PLAGL1: variants seen among roughly 807,000 people sequenced by gnomAD.
PLAGL1 encodes zinc finger protein PLAGL1.
Under a neutral mutation model 4.6 loss-of-function variants are expected in PLAGL1, and 1 was observed. The ratio of observed to expected loss-of-function variants is 0.22; its 90% confidence interval spans 0.08 to 1.03. The LOEUF is 1.03. Ranked by LOEUF, PLAGL1 falls within the 50% of genes least tolerant of loss-of-function variation. The probability of loss-of-function intolerance (pLI) is 0.58; values close to 1 mark genes in which losing one functional copy is unlikely to be tolerated. For synonymous variants in PLAGL1, 240 were observed against 237.8 expected (o/e 1.01, Z -0.08); for missense variants, 464 against 570.4 (o/e 0.81, Z 1.90).
In PLAGL1 at chr6:143,999,137, A is replaced by T. The variant is rs56211878; in HGVS notation, c.-584+8953T>A. ...GGGGAGTGAAAGAAGCAGGAAGGAA[A>T]GATATTAGAAAGTTCAAATTTTTTT... On this transcript the variant is annotated intron_variant, in intron 1 of 7. Coordinates refer to ENST00000674357, the MANE Select transcript of PLAGL1 (RefSeq NM_001317162.2). Among the ~76,000 whole-genome samples the T allele has an allele frequency of 3.3e-5, 5 of 152,210 alleles. No homozygotes were observed. In the East Asian group the frequency reaches 5.8e-4, roughly 18 times the overall value.
intron 1 of PLAGL1, among the ~76,000 whole-genome samples, chr6:144,014,380 G>A (rs2128691820): frequency 6.6e-6 from 1 of 152,034 alleles, no homozygotes. Flanking sequence ...AGTGAGCCAA[G>A]ATTGCACCAC....
rs1197384253 is a variant in PLAGL1 at position 143,961,297 on chromosome 6, A to G, written c.-398-755T>C. 6.6e-6 allele frequency: 1 copy of G among 152,218 alleles called. No individual in the cohort carries two copies. Among genetic ancestry groups the G allele is most frequent in the African/African-American group, 2.4e-5 (1 of 41,460 alleles). The allele number at this position is 152,218 out of a possible 1,614,324, so 9.4% of individuals were successfully genotyped here. A position where few individuals can be genotyped will look rare whatever the true frequency, so the allele number is the denominator to read the frequency against. ...AACTTGGCTTCTTCCTACCAAGGCT[A>G]TTCCAACCAACTGATCCTCTTACAG... is the stretch of plus-strand genomic sequence containing the variant. On this transcript the variant is annotated intron_variant, in intron 5 of 7. Coordinates refer to ENST00000674357, the MANE Select transcript of PLAGL1 (RefSeq NM_001317162.2). This position sits in a 1 kb window ranked among gnomAD's most constrained non-coding sequence, Gnocchi z 6.5.
Position 143,941,836 on chromosome 6 carries a change from T to G in PLAGL1, c.980A>C (p.Asn327Thr). ...AGGCAAGTCCTCAAACAAACTGATA[T>G]TGCAAAAACCTTTAGTATCTGCTTT... The part of the protein sequence containing the change: ...PLKADTKGFC[N>T]ISLFEDLPLQ... Residue 327 changes from asparagine to threonine, a missense_variant, in exon 8 of 8, where the codon AAT (asparagine) becomes ACT (threonine). Coordinates refer to ENST00000674357, the MANE Select transcript of PLAGL1 (RefSeq NM_001317162.2). This position sits in a 1 kb window ranked among gnomAD's most constrained non-coding sequence, Gnocchi z 6.0. 2 of 1,614,216 alleles carry G rather than the reference T, an allele frequency of 1.2e-6. No homozygotes were observed. Among genetic ancestry groups the G allele is most frequent in the African/African-American group, 2.7e-5 (2 of 75,056 alleles).
chr6:144,054,913 T>C (rs1221127017), intron 1 of PLAGL1, among the ~76,000 whole-genome samples: 5 of 151,576 alleles, frequency 3.3e-5, no homozygotes, highest in Non-Finnish European at 5.9e-5. Context: ...GTAAAGGAAA[T>C]GCAACATATA....
At position 143,965,055 on chromosome 6, in the gene PLAGL1, G is replaced by T. The variant is rs1224664004; in HGVS notation, c.-430-237C>A. ...CGGGATGGCTGATTTCCATAAGATGGAAATGATTGCATGCTGGAAACTGAG... is the reference window on the plus strand; with the variant it reads ...CGGGATGGCTGATTTCCATAAGATGTAAATGATTGCATGCTGGAAACTGAG... On this transcript the variant is annotated intron_variant, in intron 4 of 7. Transcript: ENST00000674357. The surrounding 1 kb of genome is among the most constrained non-coding windows in gnomAD (Gnocchi z 7.5). 6.6e-6 allele frequency: 1 copy of T among 152,154 alleles called. No individual in the cohort carries two copies. Among genetic ancestry groups the T allele is most frequent in the African/African-American group, 2.4e-5 (1 of 41,408 alleles). The allele number at this position is 152,154 out of a possible 1,614,324, so 9.4% of individuals were successfully genotyped here.
At chr6:144,054,777 G>GTT (rs1491121190) in intron 1 of PLAGL1, among the ~76,000 whole-genome samples, 1 of 14,608 alleles carries the variant, frequency 6.8e-5, no homozygotes, top group Non-Finnish European at 1.0e-4. Flanking sequence ...CTAAAAAAGA[G>GTT]TGTGTGTGTG....
rs1797909886 is a variant in PLAGL1 at position 144,043,667 on chromosome 6, G to C, written c.-151+20801C>G. On this transcript the variant is annotated intron_variant, in intron 1 of 3. Transcript: ENST00000437412. Reference sequence around the variant, plus strand: ...TTTTGTTGTGTCTCTGCTAGGCTTTGGTATCAGGATGATGCTGGCCTCATA... The same window carrying C: ...TTTTGTTGTGTCTCTGCTAGGCTTTCGTATCAGGATGATGCTGGCCTCATA... Among the ~76,000 whole-genome samples the C allele has an allele frequency of 3.9e-5, 6 of 152,096 alleles. No homozygotes were observed. The South Asian group carries it at 1.2e-3, about 32-fold the overall frequency.
In PLAGL1 at chr6:143,984,723, GGTTTAGT is replaced by G. The variant is rs1788656111; in HGVS notation, c.-544+405_-544+411del. Among the ~76,000 whole-genome samples the G allele has an allele frequency of 2.0e-5, 3 of 151,914 alleles. No individual in the cohort carries two copies. Among genetic ancestry groups the G allele is most frequent in the African/African-American group, 7.3e-5 (3 of 41,360 alleles). ...ACTTCTCAAAGATGTATTTAAAATT[GGTTTAGT>G]ATATTTCAATTCTCCTCCGTAAAAA... On this transcript the variant is annotated intron_variant, in intron 2 of 7. Transcript: ENST00000674357. This position sits in a 1 kb window ranked among gnomAD's most constrained non-coding sequence, Gnocchi z 5.5.
Position 144,039,965 on chromosome 6 carries a change from T to C in PLAGL1, c.-151+24503A>G, listed in dbSNP as rs1797597559. On this transcript the variant is annotated intron_variant, in intron 1 of 3. Transcript: ENST00000437412. This position sits in a 1 kb window ranked among gnomAD's most constrained non-coding sequence, Gnocchi z 4.1. ...TAGGTTCAAAAGGCAAGCCTCCAGATAATTTATATCATATAATTCCATGTA... is the reference window on the plus strand; with the variant it reads ...TAGGTTCAAAAGGCAAGCCTCCAGACAATTTATATCATATAATTCCATGTA... Among the ~76,000 whole-genome samples the C allele has an allele frequency of 6.6e-6, 1 of 152,216 alleles. No homozygotes were observed. The highest frequency in any genetic ancestry group is 1.5e-5 in the Non-Finnish European group (1 of 68,038).
At chr6:144,058,985 T>G (rs1244268129) in intron 1 of PLAGL1, among the ~76,000 whole-genome samples, 1 of 152,182 alleles carries the variant, frequency 6.6e-6, no homozygotes, top group Non-Finnish European at 1.5e-5. Flanking sequence ...CACTAGGTAG[T>G]GCCCTGGGGG....
At position 144,016,723 on chromosome 6, in the gene PLAGL1, A is replaced by G. The variant is rs1448550516; in HGVS notation, c.-151+47745T>C. 1.3e-5 allele frequency among the ~76,000 whole-genome samples: 2 copies of G among 152,334 alleles called. No homozygotes were observed. Among genetic ancestry groups the G allele is most frequent in the South Asian group, 4.1e-4 (2 of 4,828 alleles). On this transcript the variant is annotated intron_variant, in intron 1 of 3. Transcript: ENST00000437412. This position sits in a 1 kb window ranked among gnomAD's most constrained non-coding sequence, Gnocchi z 4.2. ...TTTGTCATACTGCACTGAATGATACACCTAAAATACATCCACTTGATTACA... is the reference window on the plus strand; with the variant it reads ...TTTGTCATACTGCACTGAATGATACGCCTAAAATACATCCACTTGATTACA...
chr6:144,010,060 T>C (rs1795047933), upstream of PLAGL1, among the ~76,000 whole-genome samples: 1 of 152,176 alleles, frequency 6.6e-6, no homozygotes, highest in African/African-American at 2.4e-5. This position sits in a 1 kb window ranked among gnomAD's most constrained non-coding sequence, Gnocchi z 4.1. Context: ...GGTCAAATGG[T>C]ATTTCTGGTT....
chr6:143,951,124 C>CCT (rs10632400), intron 6 of PLAGL1, among the ~76,000 whole-genome samples: 109,468 of 151,938 alleles, frequency 0.72, 40,736 homozygotes, highest in African/African-American at 0.92. Flanking sequence ...TTATCTGTGT[C>CCT]GAGTTTCAGT....
chr6:144,059,749 TTAA>T lies in PLAGL1; in HGVS notation c.-151+4716_-151+4718del, dbSNP rs1799246183. Among the ~76,000 whole-genome samples, 1 of 152,232 alleles carries T rather than the reference TTAA, an allele frequency of 6.6e-6. No homozygotes were observed. The highest frequency in any genetic ancestry group is 2.1e-4 in the South Asian group (1 of 4,834). ...GGCTGCATTAAGCTTTGTCTTGCCA[TTAA>T]TAATATTTTCCATCCCTGAGGCTGC... On this transcript the variant is annotated intron_variant, in intron 1 of 3. Transcript: ENST00000437412. The surrounding 1 kb of genome is among the most constrained non-coding windows in gnomAD (Gnocchi z 4.9).
At position 144,016,095 on chromosome 6, in the gene PLAGL1, G is replaced by A. The variant is rs935164568; in HGVS notation, c.-150-47117C>T. Among the ~76,000 whole-genome samples the A allele has an allele frequency of 6.6e-6, 1 of 151,856 alleles. No individual in the cohort carries two copies. ...TTCTCTAGAGGGACAGAACTAATAA[G>A]AGATATACATATGTGTATATATATA... On this transcript the variant is annotated intron_variant, in intron 1 of 3. Transcript: ENST00000437412. This position sits in a 1 kb window ranked among gnomAD's most constrained non-coding sequence, Gnocchi z 4.2.
intron 2 of PLAGL1, among the ~76,000 whole-genome samples, chr6:143,969,594 G>A (rs529316852): frequency 6.6e-6 from 1 of 151,682 alleles, no homozygotes; most frequent in East Asian, 2.0e-4. Context: ...AGACCAGCCT[G>A]GGCAACATAG....
intron 1 of PLAGL1, among the ~76,000 whole-genome samples, chr6:144,029,207 T>G (rs1369472909): frequency 6.6e-6 from 1 of 152,220 alleles, no homozygotes; most frequent in African/African-American, 2.4e-5. Flanking sequence ...CATATAAATC[T>G]TTCAACATAT....
intron 1 of PLAGL1, among the ~76,000 whole-genome samples, chr6:144,049,259 C>T (rs1219227337): frequency 6.6e-6 from 1 of 152,212 alleles, no homozygotes; most frequent in Admixed American, 6.5e-5. Context: ...TCCAAACTTT[C>T]CCACAACTTC....
rs1312025251 is a variant in PLAGL1, at chr6:143,979,709, A to G, written c.-544+5426T>C. Among the ~76,000 whole-genome samples, 2 of 152,060 alleles carry G rather than the reference A, an allele frequency of 1.3e-5. No individual in the cohort carries two copies. Among genetic ancestry groups the G allele is most frequent in the African/African-American group, 4.8e-5 (2 of 41,444 alleles). Reference sequence around the variant, plus strand: ...TTTAAACCATCTTTTAAAAAATATTAATAATAATCATCATCGTATGTATTT... The same window carrying G: ...TTTAAACCATCTTTTAAAAAATATTGATAATAATCATCATCGTATGTATTT... On this transcript the variant is annotated intron_variant, in intron 2 of 7. Transcript: ENST00000674357. This position sits in a 1 kb window ranked among gnomAD's most constrained non-coding sequence, Gnocchi z 4.6.
Sources: allele counts gnomAD v4.1 joint callset (sites outside exome capture counted in the v4.1 genomes callset), GRCh38; gene constraint gnomAD v4.1.1; non-coding constraint Gnocchi (gnomAD v3.1); transcripts MANE v1.5; gene names NCBI Gene and HGNC (gene_info 2026-07-23, HGNC 2026-07-21).